The following IL10RB variants were observed in gnomAD, a reference collection of about 807,000 sequenced individuals.
IL10RB encodes interleukin 10 receptor subunit beta, also known as interleukin-10 receptor subunit beta.
A neutral mutation model predicts 38.7 loss-of-function variants in IL10RB; 30 were observed. The observed-to-expected ratio is 0.78, with a 90% CI of 0.58 to 1.05. IL10RB has a LOEUF of 1.05. Among genes scored for constraint, IL10RB ranks in the 50% least tolerant of loss-of-function variants. IL10RB has a pLI of 0.00. For missense variants in IL10RB, 328 were observed against 397.1 expected, an observed-to-expected ratio of 0.83 and a Z score of 1.48; for synonymous variants, 142 against 145.9, an observed-to-expected ratio of 0.97 and a Z score of 0.19.
chr21:33,303,067 G>C (rs1057418160), intron 1 of IL10RB, among the ~76,000 whole-genome samples: 2 of 152,144 alleles, frequency 1.3e-5, no homozygotes, highest in African/African-American at 2.4e-5. Flanking sequence ...CCTTCTTCAG[G>C]CACCTCAACT....
chr21:33,289,439 C>T (rs1371538476), intron 6 of IL10RB, among the ~76,000 whole-genome samples: 17 of 98 alleles, frequency 0.17, no homozygotes, highest in African/African-American at 0.42. Context: ...CTCCTTCCTC[C>T]GCTGCCCTGA....
chr21:33,284,474 C>T (rs1199964772), intron 5 of IL10RB, among the ~76,000 whole-genome samples: 1 of 152,080 alleles, frequency 6.6e-6, no homozygotes, highest in African/African-American at 2.4e-5. Flanking sequence ...CATTTAAATC[C>T]CACAAGTTTT....
chr21:33,291,024 C>T (rs1989476292), intron 6 of IL10RB, among the ~76,000 whole-genome samples: 1 of 152,168 alleles, frequency 6.6e-6, no homozygotes, highest in Non-Finnish European at 1.5e-5. Flanking sequence ...CTGAGGGTTG[C>T]TGGCGATCTT....
intron 1 of IL10RB, among the ~76,000 whole-genome samples, chr21:33,306,482 C>T (rs745422270): frequency 1.3e-5 from 2 of 151,984 alleles, no homozygotes; most frequent in African/African-American, 4.8e-5. Flanking sequence ...TTTAAATACT[C>T]GAGGAACCCT....
intron 2 of IL10RB, among the ~76,000 whole-genome samples, chr21:33,273,802 A>T (rs1255102632): frequency 6.6e-6 from 1 of 152,266 alleles, no homozygotes; most frequent in Non-Finnish European, 1.5e-5. Flanking sequence ...CCATCTCAAG[A>T]AACCACTTTC....
Position 33,297,079 on chromosome 21 carries a change from C to G in IL10RB, c.*722C>G, listed in dbSNP as rs2082970761. ...TGGATGGACTGATCTGAAAATCGAC[C>G]TCAACTCAAGGGTGGTCAGCTCAAT... On this transcript the variant is annotated 3_prime_UTR_variant, in exon 7 of 7. Coordinates refer to ENST00000290200, the MANE Select transcript of IL10RB (RefSeq NM_000628.5). 1 of 163,338 alleles carries G rather than the reference C, an allele frequency of 6.1e-6. No homozygotes were observed. The highest frequency in any genetic ancestry group is 1.3e-5 in the Non-Finnish European group (1 of 74,604). The allele number at this position is 163,338 out of a possible 1,614,324, so 10.1% of individuals were successfully genotyped here. A position where few individuals can be genotyped will look rare whatever the true frequency, so the allele number is the denominator to read the frequency against.
chr21:33,274,551 T>C (rs1989136941), intron 2 of IL10RB, among the ~76,000 whole-genome samples: 1 of 152,222 alleles, frequency 6.6e-6, no homozygotes, highest in Admixed American at 6.5e-5. Flanking sequence ...ATGGATGTTG[T>C]GTTAGCAGGC....
chr21:33,300,268 C>T (rs1008573874), downstream of IL10RB, among the ~76,000 whole-genome samples: 6 of 151,922 alleles, frequency 3.9e-5, no homozygotes, highest in African/African-American at 7.3e-5. Flanking sequence ...GGTGATACCC[C>T]GTCTCTACTA....
intron 1 of IL10RB, chr21:33,268,181 C>T: frequency 6.9e-7 from 1 of 1,445,366 alleles, no homozygotes; most frequent in Non-Finnish European, 9.1e-7. Flanking sequence ...TGTCTGTCCC[C>T]ATTTTACTCC....
chr21:33,279,596 ACTACC>A (rs1353088029), intron 3 of IL10RB, among the ~76,000 whole-genome samples, 151 bp from the exon 4 acceptor site: 3 of 152,254 alleles, frequency 2.0e-5, no homozygotes, highest in African/African-American at 7.2e-5. Flanking sequence ...ACTAAATCCA[ACTACC>A]CTTCTTAGCC....
In IL10RB at chr21:33,266,518, AG is replaced by A; in HGVS notation, c.49+8del. ...GGTGGCTGCCTGCTGGTGTCAGGTG[AG>A]GGGTCCGCGGGGAGGGGGCGCGCTT... On this transcript the variant is annotated splice_donor_5th_base_variant and intron_variant, in intron 1 of 6. Transcript: ENST00000290200. 1 of 1,542,202 alleles carries A rather than the reference AG, an allele frequency of 6.5e-7. No homozygotes were observed. The highest frequency in any genetic ancestry group is 8.7e-7 in the Non-Finnish European group (1 of 1,147,214).
At chr21:33,268,373 G>A (rs1989012497) in intron 1 of IL10RB, 21 bp from the exon 2 acceptor site, 2 of 1,614,152 alleles carry the variant, frequency 1.2e-6, no homozygotes, top group Non-Finnish European at 1.7e-6. Flanking sequence ...AGTTGTAAAT[G>A]TTTTTGTCTT....
chr21:33,272,648 C>T (rs936726582), intron 2 of IL10RB, among the ~76,000 whole-genome samples: 6 of 152,170 alleles, frequency 3.9e-5, no homozygotes, highest in Admixed American at 2.0e-4. Flanking sequence ...GGACTCACCA[C>T]GTTGTCCAGG....
At chr21:33,269,212 C>T (rs574975148) in intron 2 of IL10RB, among the ~76,000 whole-genome samples, 2 of 152,368 alleles carry the variant, frequency 1.3e-5, no homozygotes, top group East Asian at 3.9e-4. Context: ...CGCCCTCTAC[C>T]TCTCCTGCCT....
chr21:33,279,087 A>T (rs550468250), intron 3 of IL10RB, among the ~76,000 whole-genome samples: 2 of 152,358 alleles, frequency 1.3e-5, no homozygotes, highest in South Asian at 4.1e-4. Context: ...ATTACATGAC[A>T]GGTAGTGACT....
At chr21:33,277,012 G>T (rs1056948924) in intron 3 of IL10RB, among the ~76,000 whole-genome samples, 1 of 150,968 alleles carries the variant, frequency 6.6e-6, no homozygotes, top group Non-Finnish European at 1.5e-5. Context: ...ACTATGTTGG[G>T]GCCCGTGCTG....
rs1988944899 is a variant in IL10RB, at chr21:33,266,489, G to T, written c.24G>T (p.Trp8Cys). MAWSLGS[W>C]LGGCLLVSAL... ...CCATGGCGTGGAGCCTTGGGAGCTG[G>T]CTGGGTGGCTGCCTGCTGGTGTCAG... Residue 8 changes from tryptophan to cysteine, a missense_variant, in exon 1 of 7, where the codon TGG (tryptophan) becomes TGT (cysteine). Trp to Cys is a radical substitution (Grantham distance 215). Coordinates refer to ENST00000290200, the MANE Select transcript of IL10RB (RefSeq NM_000628.5). 1 of 1,542,700 alleles carries T rather than the reference G, an allele frequency of 6.5e-7. No homozygotes were observed. Among genetic ancestry groups the T allele is most frequent in the Non-Finnish European group, 8.7e-7 (1 of 1,147,270 alleles).
chr21:33,267,490 T>TG (rs1226814012), intron 1 of IL10RB, among the ~76,000 whole-genome samples: 7 of 148,024 alleles, frequency 4.7e-5, no homozygotes, highest in African/African-American at 1.3e-4. Flanking sequence ...CCGTTTTTTT[T>TG]TTTGTTTGTT....
At chr21:33,292,290 G>T (rs571232916) in intron 6 of IL10RB, among the ~76,000 whole-genome samples, 1 of 152,286 alleles carries the variant, frequency 6.6e-6, no homozygotes, top group East Asian at 1.9e-4. Flanking sequence ...TGCCCGTGGG[G>T]ACACTTTCTC....
Sources: gnomAD v4.1 joint callset for allele counts (sites outside exome capture counted in the v4.1 genomes callset) on GRCh38, gnomAD v4.1.1 for gene constraint, MANE v1.5 for transcripts, NCBI Gene and HGNC (gene_info 2026-07-23, HGNC 2026-07-21) for gene names.